Variants in CEP170B observed in about 807,000 individuals in gnomAD.
CEP170B encodes the protein centrosomal protein 170B, also known as centrosomal protein of 170 kDa protein B.
Under a neutral mutation model 120.6 loss-of-function variants are expected in CEP170B, and 55 were observed. That is an observed-to-expected ratio of 0.46 (90% CI 0.37 to 0.57). The LOEUF is 0.57. CEP170B is among the 20% of genes least tolerant of loss of function. The pLI is 0.00. For missense variants in CEP170B, 2,212 were observed against 2,253.3 expected (o/e 0.98, Z 0.37); for synonymous variants, 1,033 against 954.5 (o/e 1.08, Z -1.52).
In CEP170B at chr14:104,868,630, A is replaced by AC; in HGVS notation, c.105+79dup. The AC allele has an allele frequency of 7.2e-7, 1 of 1,387,660 alleles. No individual in the cohort carries two copies. The highest frequency in any genetic ancestry group is 9.8e-7 in the Non-Finnish European group (1 of 1,021,740). The allele number at this position is 1,387,660 out of a possible 1,614,324, so 86.0% of individuals were successfully genotyped here. ...CCCTGTGGAGGCCAGGAAGGTGCCC[A>AC]CCCCACTTGCTGCAGGCCACCCTGG... On this transcript the variant is annotated intron_variant, in intron 2 of 18. Coordinates refer to ENST00000414716, the MANE Select transcript of CEP170B (RefSeq NM_001112726.3). This position sits in a 1 kb window ranked among gnomAD's most constrained non-coding sequence, Gnocchi z 5.9.
intron 3 of CEP170B, 52 bp from the exon 4 acceptor site, chr14:104,877,833 G>GCCCCCCCCCCCCC: frequency 1.3e-4 from 47 of 359,606 alleles, no homozygotes; most frequent in South Asian, 3.9e-4. Context: ...CCTGCCCACA[G>GCCCCCCCCCCCCC]CCACCCACCC....
Position 104,893,128 on chromosome 14 carries a change from G to A in CEP170B, c.4031G>A (p.Arg1344Gln), listed in dbSNP as rs75625145. ...PSTPASTISAREELVQRIPEA... is the reference protein window; with the variant it reads ...PSTPASTISAQEELVQRIPEA... ...ACCCCCGCCTCGACCATCTCTGCCC[G>A]GGAGGAGGTGAGCCCCAGGCTTTCT... is the stretch of plus-strand genomic sequence containing the variant. The change falls in exon 14 of 19, where the codon CGG (arginine) becomes CAG (glutamine). Residue 1344 changes from arginine to glutamine, a missense_variant. Physicochemically the swap from Arg to Gln is conservative, Grantham distance 43. Around this residue, in one of 2 missense-constraint regions of CEP170B, gnomAD observed 2,166 missense variants for 2,166.7 expected, o/e 1.00. Transcript: ENST00000414716. The A allele has an allele frequency of 2.3e-5, 37 of 1,608,402 alleles. No homozygotes were observed. In the East Asian group the frequency reaches 4.2e-4, roughly 18 times the overall value.
chr14:104,877,285 G>A (rs932265522), intron 3 of CEP170B, among the ~76,000 whole-genome samples: 11 of 152,184 alleles, frequency 7.2e-5, no homozygotes, highest in African/African-American at 2.7e-4. Context: ...CTTTGAGAGG[G>A]TCCCCGGGGT....
At chr14:104,874,392 T>C (rs1895723561) in intron 2 of CEP170B, among the ~76,000 whole-genome samples, 1 of 152,150 alleles carries the variant, frequency 6.6e-6, no homozygotes, top group African/African-American at 2.4e-5. Flanking sequence ...AGACCCACTC[T>C]CAGAGACCTG....
At chr14:104,874,692 T>G (rs1188648492) in intron 2 of CEP170B, among the ~76,000 whole-genome samples, 3 of 117,722 alleles carry the variant, frequency 2.5e-5, no homozygotes, top group African/African-American at 1.0e-4. Flanking sequence ...AGTCCTCCCC[T>G]CAGTCCTCCA....
intron 6 of CEP170B, among the ~76,000 whole-genome samples, chr14:104,882,435 A>C (rs117222009): frequency 6.6e-6 from 1 of 151,984 alleles, no homozygotes; most frequent in South Asian, 2.1e-4. Context: ...CTCTGAGTAC[A>C]TCAGAGGGGA....
Position 104,887,355 on chromosome 14 carries a change from G to A in CEP170B, c.3116G>A (p.Gly1039Glu). 2 of 1,611,922 alleles carry A rather than the reference G, an allele frequency of 1.2e-6. No individual in the cohort carries two copies. Among genetic ancestry groups the A allele is most frequent in the South Asian group, 2.2e-5 (2 of 91,014 alleles). The change falls in exon 12 of 19, where the codon GGG becomes GAG. Residue 1039 changes from glycine to glutamate, a missense_variant. Gly to Glu is a moderately conservative substitution (Grantham distance 98). Transcript: ENST00000414716. ...ATAAGGCGTGGCCACAGGCCCCGAG[G>A]GTCCCTGGATTGGCCCAGTGAGGAG... Reference protein sequence around the residue: ...SAIRRGHRPRGSLDWPSEERG... With the variant: ...SAIRRGHRPRESLDWPSEERG...
At position 104,883,098 on chromosome 14, in the gene CEP170B, C is replaced by G. The variant is rs1178899787; in HGVS notation, c.641C>G (p.Pro214Arg). 3 of 1,581,998 alleles carry G rather than the reference C, an allele frequency of 1.9e-6. No homozygotes were observed. The highest frequency in any genetic ancestry group is 2.6e-6 in the Non-Finnish European group (3 of 1,167,554). The part of the protein sequence containing the change: ...ELHGFRAPAE[P>R]QGCSFRREPS... ...CACGGCTTCCGCGCCCCTGCTGAGCCTCAGGGCTGCTCGTTCCGGCGGGAG... is the reference window on the plus strand; with the variant it reads ...CACGGCTTCCGCGCCCCTGCTGAGCGTCAGGGCTGCTCGTTCCGGCGGGAG... The change falls in exon 8 of 19, where the codon CCT becomes CGT. Residue 214 changes from proline (P) to arginine (R), a missense_variant. Transcript: ENST00000414716.
rs770628781 is a variant in CEP170B at position 104,886,525 on chromosome 14, G to A, written c.2286G>A (p.Gly762=). Residue 762 remains glycine, a synonymous_variant, in exon 12 of 19, where the codon GGG becomes GGA. Transcript: ENST00000414716. ...GSDGGRGPEP[G]VEPQDSRRRS... is the part of the protein sequence containing the mutation. ...ACGGGGGCCGAGGCCCCGAGCCAGG[G>A]GTGGAGCCACAGGACAGCAGACGCA... 2.6e-6 allele frequency: 4 copies of A among 1,516,488 alleles called. No individual in the cohort carries two copies. Among genetic ancestry groups the A allele is most frequent in the Non-Finnish European group, 3.5e-6 (4 of 1,135,580 alleles). The allele number at this position is 1,516,488 out of a possible 1,614,324, so 93.9% of individuals were successfully genotyped here. A position where few individuals can be genotyped will look rare whatever the true frequency, so the allele number is the denominator to read the frequency against.
intron 8 of CEP170B, 23 bp from the exon 9 acceptor site, chr14:104,883,808 G>A (rs1233419919): frequency 6.6e-7 from 1 of 1,513,042 alleles, no homozygotes; most frequent in East Asian, 2.5e-5. Context: ...GCCTGACAAG[G>A]TGGGGTCCCC....
chr14:104,889,903 CAAA>C, intron 13 of CEP170B, 145 bp downstream of exon 13: 1 of 579,968 alleles, frequency 1.7e-6, no homozygotes, highest in Non-Finnish European at 2.8e-6. Context: ...GATGGATGGA[CAAA>C]TGGATGGATG....
At position 104,867,114 on chromosome 14, in the gene CEP170B, TGTGCTGGGCCCTGCAGTGATGGAGCCA is replaced by T. The variant is rs1895243054; in HGVS notation, c.-27-1297_-27-1271del. ...GAATAAGGGTACCGCGTTTTCTTTT[TGTGCTGGGCCCTGCAGTGATGGAGCCA>T]GTGCTGGGCCCTTTAGGGACTTCAT... On this transcript the variant is annotated intron_variant, in intron 1 of 18. Transcript: ENST00000414716. This position sits in a 1 kb window ranked among gnomAD's most constrained non-coding sequence, Gnocchi z 5.4. Among the ~76,000 whole-genome samples, 1 of 152,354 alleles carries T rather than the reference TGTGCTGGGCCCTGCAGTGATGGAGCCA, an allele frequency of 6.6e-6. No individual in the cohort carries two copies. Among genetic ancestry groups the T allele is most frequent in the Non-Finnish European group, 1.5e-5 (1 of 68,030 alleles).
chr14:104,886,498 G>A lies in CEP170B; in HGVS notation c.2259G>A (p.Ser753=), dbSNP rs750402542. The change falls in exon 12 of 19, where the codon TCG becomes TCA. Residue 753 remains serine, a synonymous_variant. Transcript: ENST00000414716. ...ACAGCCTCAGCGATGCCAGTGGGTC[G>A]GACGGGGGCCGAGGCCCCGAGCCAG... ...DPDSLSDASG[S]DGGRGPEPGV... The A allele has an allele frequency of 2.1e-5, 32 of 1,512,918 alleles. No individual in the cohort carries two copies. The highest frequency in any genetic ancestry group is 2.7e-5 in the South Asian group (2 of 74,658). 93.7% of individuals were successfully genotyped at this position (1,512,918 alleles called of 1,614,324 possible).
chr14:104,879,150 G>A (rs1455133497), intron 5 of CEP170B, among the ~76,000 whole-genome samples: 1 of 152,202 alleles, frequency 6.6e-6, no homozygotes, highest in East Asian at 1.9e-4. Context: ...CTTCGAAGCT[G>A]AAGGGATTAA....
chr14:104,888,916 G>A (rs2140729506), intron 12 of CEP170B, among the ~76,000 whole-genome samples: 1 of 152,354 alleles, frequency 6.6e-6, no homozygotes, highest in East Asian at 1.9e-4. Flanking sequence ...TACCCGACGT[G>A]GTGCACTGGT....
intron 2 of CEP170B, among the ~76,000 whole-genome samples, chr14:104,871,009 ACAGCCCCATGTC>A (rs1235026783): frequency 1.4e-5 from 2 of 142,224 alleles, no homozygotes; most frequent in Non-Finnish European, 3.1e-5. Flanking sequence ...CCCCCACCCT[ACAGCCCCATGTC>A]CAGCCCCTTG....
intron 2 of CEP170B, among the ~76,000 whole-genome samples, chr14:104,872,417 G>GT (rs1566852598): frequency 0.062 from 3,374 of 54,548 alleles, 459 homozygotes; most frequent in Middle Eastern, 0.2. Context: ...GTGTGCCGTG[G>GT]GTGTGCCGTG....
intron 14 of CEP170B, 55 bp from the exon 15 acceptor site, chr14:104,893,468 C>T: frequency 1.9e-6 from 3 of 1,561,326 alleles, no homozygotes; most frequent in South Asian, 1.2e-5. Flanking sequence ...GGTGCAGCCA[C>T]AGCCTGGCAG....
chr14:104,884,019 C>T lies in CEP170B; in HGVS notation c.1240C>T (p.Pro414Ser). 3 of 1,610,676 alleles carry T rather than the reference C, an allele frequency of 1.9e-6. No individual in the cohort carries two copies. The highest frequency in any genetic ancestry group is 2.5e-6 in the Non-Finnish European group (3 of 1,178,776). ...CATCGAGTTCTTCGACGAGGACACACCCCGAAAGAAGCGCTCCCAGTCCTT... is the reference window on the plus strand; with the variant it reads ...CATCGAGTTCTTCGACGAGGACACATCCCGAAAGAAGCGCTCCCAGTCCTT... ...FVIEFFDEDT[P>S]RKKRSQSFTH... The change falls in exon 9 of 19, where the codon CCC (proline) becomes TCC (serine). Residue 414 changes from proline to serine, a missense_variant. Physicochemically the swap from Pro to Ser is moderately conservative, Grantham distance 74. This residue lies in a region of CEP170B where 2,166 missense variants were observed against 2,166.7 expected (regional missense o/e 1.00). Coordinates refer to ENST00000414716, the MANE Select transcript of CEP170B (RefSeq NM_001112726.3).
Sources: gnomAD v4.1 joint callset for allele counts (sites outside exome capture counted in the v4.1 genomes callset) on GRCh38, gnomAD v4.1.1 for gene constraint, gnomAD v4.1.1 regional missense constraint, Gnocchi (gnomAD v3.1) non-coding constraint, MANE v1.5 for transcripts, NCBI Gene and HGNC (gene_info 2026-07-23, HGNC 2026-07-21) for gene names.